Variants in AOAH observed in about 807,000 individuals in gnomAD.
The protein encoded by AOAH is acyloxyacyl hydrolase (neutrophil).
Under a neutral mutation model 92.2 loss-of-function variants are expected in AOAH, and 64 were observed. The observed-to-expected ratio is 0.69, with a 90% CI of 0.57 to 0.86. The LOEUF is 0.86. Among genes scored for constraint, AOAH ranks in the 40% least tolerant of loss-of-function variants. AOAH has a pLI of 0.00. For synonymous variants in AOAH, 263 were observed against 254.5 expected (o/e 1.03, Z -0.32); for missense variants, 656 against 694.6 (o/e 0.94, Z 0.62).
At chr7:36,700,585 AT>A (rs1797970224) in intron 1 of AOAH, among the ~76,000 whole-genome samples, 1 of 152,124 alleles carries the variant, frequency 6.6e-6, no homozygotes, top group Non-Finnish European at 1.5e-5. Context: ...TGATCCATTG[AT>A]GGACACTTAA....
chr7:36,549,097 C>T (rs181640243), intron 14 of AOAH, among the ~76,000 whole-genome samples: 121 of 152,296 alleles, frequency 7.9e-4, no homozygotes, highest in Middle Eastern at 3.4e-3. Context: ...CTTCTTGAGG[C>T]TTCCAGTCAG....
intron 12 of AOAH, among the ~76,000 whole-genome samples, chr7:36,580,793 C>T (rs547971141): frequency 3.9e-4 from 59 of 152,186 alleles, no homozygotes; most frequent in Non-Finnish European, 6.0e-4. Flanking sequence ...TTGGGGAACC[C>T]TGCTGTCAGC....
intron 19 of AOAH, among the ~76,000 whole-genome samples, chr7:36,522,330 G>C (rs563916132): frequency 6.6e-6 from 1 of 152,366 alleles, no homozygotes; most frequent in African/African-American, 2.4e-5. Flanking sequence ...GGGAATACGT[G>C]AGAGCATTGG....
chr7:36,514,734 G>A (rs1790239902), intron 20 of AOAH: 2 of 639,600 alleles, frequency 3.1e-6, no homozygotes, highest in South Asian at 3.7e-5. Context: ...CATTGTTCGG[G>A]AAGGATGCTC....
intron 12 of AOAH, among the ~76,000 whole-genome samples, chr7:36,589,385 T>C (rs778421382): frequency 4.6e-5 from 7 of 152,338 alleles, no homozygotes; most frequent in Non-Finnish European, 7.3e-5. Context: ...ATAGGCTCTA[T>C]ACCCTGGCCA....
At chr7:36,711,877 C>CTT (rs1270740486) in intron 1 of AOAH, among the ~76,000 whole-genome samples, 2 of 152,094 alleles carry the variant, frequency 1.3e-5, no homozygotes, top group East Asian at 3.9e-4. Context: ...ACAGAGACCA[C>CTT]CTCCAAAGGC....
chr7:36,717,433 G>A (rs1175436652), intron 1 of AOAH, among the ~76,000 whole-genome samples: 1 of 152,034 alleles, frequency 6.6e-6, no homozygotes, highest in Non-Finnish European at 1.5e-5. Context: ...TCTCTGCTGG[G>A]AAGCTGGAAT....
intron 6 of AOAH, among the ~76,000 whole-genome samples, chr7:36,623,934 G>A (rs750821622): frequency 4.6e-5 from 7 of 152,332 alleles, no homozygotes; most frequent in African/African-American, 1.7e-4. Flanking sequence ...GGAAAATAGG[G>A]TCTGGAGGCA....
chr7:36,662,901 T>C (rs1795304180), intron 3 of AOAH, among the ~76,000 whole-genome samples: 2 of 152,128 alleles, frequency 1.3e-5, no homozygotes, highest in South Asian at 4.1e-4. Context: ...TGACAAGTAG[T>C]CCTTTGGATA....
chr7:36,695,640 C>T (rs1054571540), intron 1 of AOAH, among the ~76,000 whole-genome samples: 3 of 152,160 alleles, frequency 2.0e-5, no homozygotes, highest in Non-Finnish European at 2.9e-5. Context: ...AAGTGCCACA[C>T]TACATATATT....
At chr7:36,529,291 T>C (rs891536558) in intron 19 of AOAH, among the ~76,000 whole-genome samples, 2 of 152,210 alleles carry the variant, frequency 1.3e-5, no homozygotes, top group Admixed American at 6.5e-5. Flanking sequence ...ACTTTATCTA[T>C]ATTCAAGGTT....
At chr7:36,594,246 T>A (rs1441297859) in intron 12 of AOAH, 93 bp downstream of exon 12, 3 of 967,646 alleles carry the variant, frequency 3.1e-6, no homozygotes, top group Non-Finnish European at 5.0e-6. Flanking sequence ...TTCCTAATAA[T>A]TCGCATTTCA....
intron 2 of AOAH, among the ~76,000 whole-genome samples, chr7:36,680,051 C>T (rs1269654150): frequency 1.3e-5 from 2 of 152,160 alleles, no homozygotes; most frequent in African/African-American, 4.8e-5. Context: ...TTTAAGACTA[C>T]ATGAGTTTTT....
chr7:36,571,366 C>T (rs6970791), intron 13 of AOAH, among the ~76,000 whole-genome samples: 13,465 of 152,162 alleles, frequency 0.088, 710 homozygotes, highest in Admixed American at 0.14. Context: ...CTACCTTAAG[C>T]CTCCACCCCC....
At chr7:36,654,113 C>CTGTG (rs1584039017) in intron 4 of AOAH, among the ~76,000 whole-genome samples, 1 of 148,202 alleles carries the variant, frequency 6.7e-6, no homozygotes, top group East Asian at 2.1e-4. Flanking sequence ...GCATGCATCC[C>CTGTG]TGTGCGTGTG....
At chr7:36,617,319 A>C (rs1044629395) in intron 10 of AOAH, among the ~76,000 whole-genome samples, 2 of 152,248 alleles carry the variant, frequency 1.3e-5, no homozygotes, top group African/African-American at 4.8e-5. Context: ...GCTTTGCACC[A>C]GGGTTTCACC....
At chr7:36,570,255 T>A (rs974242131) in intron 13 of AOAH, among the ~76,000 whole-genome samples, 1 of 150,308 alleles carries the variant, frequency 6.7e-6, no homozygotes, top group Admixed American at 6.8e-5. Flanking sequence ...GTAAGTGGAA[T>A]CCGGCAGTAT....
chr7:36,619,393 G>A (rs1326080284), intron 9 of AOAH, among the ~76,000 whole-genome samples: 2 of 152,124 alleles, frequency 1.3e-5, no homozygotes, highest in Non-Finnish European at 2.9e-5. Flanking sequence ...CATTGATCTA[G>A]TACAGTCTCT....
intron 13 of AOAH, 81 bp downstream of exon 13, chr7:36,576,493 A>G: frequency 1.3e-6 from 1 of 796,340 alleles, no homozygotes; most frequent in Non-Finnish European, 2.0e-6. Flanking sequence ...TGTTATCTGA[A>G]TCTCAGCTTT....
Sources: gnomAD v4.1 joint callset for allele counts (sites outside exome capture counted in the v4.1 genomes callset) on GRCh38, gnomAD v4.1.1 for gene constraint, MANE v1.5 for transcripts, NCBI Gene and HGNC (gene_info 2026-07-23, HGNC 2026-07-21) for gene names.